The following DTNA variants were observed in gnomAD, a reference collection of about 807,000 sequenced individuals.
DTNA encodes dystrobrevin alpha, also known as dystrophin-related protein 3.
A neutral mutation model predicts 100.7 loss-of-function variants in DTNA; 43 were observed. The observed-to-expected ratio is 0.43, with a 90% confidence interval of 0.33 to 0.55. DTNA has a LOEUF of 0.55. DTNA is among the 20% of genes least tolerant of loss of function. The pLI is 0.04. For synonymous variants in DTNA, 349 were observed against 347.9 expected (o/e 1.00, Z -0.04); for missense variants, 798 against 953.9 (o/e 0.84, Z 2.15).
At position 34,753,366 on chromosome 18, in the gene DTNA, A is replaced by ATTTTTTTTTTTTTTTTTTTTTTTTTT. The variant is rs757853063; in HGVS notation, c.-1-2594_-1-2593insTTTTTTTTTTTTTTTTTTTTTTTTTT. On this transcript the variant is annotated intron_variant, in intron 1 of 22. Coordinates refer to ENST00000444659, the MANE Select transcript of DTNA (RefSeq NM_001386795.1). ...ATTTATTTATTTATTTATTTATTTTATTTTTTTTTTTTTTTTATTTTTTAT... is the reference window on the plus strand; with the variant it reads ...ATTTATTTATTTATTTATTTATTTTATTTTTTTTTTTTTTTTTTTTTTTTTTTTTTTTTTTTTTTTTTATTTTTTAT... Among the ~76,000 whole-genome samples the ATTTTTTTTTTTTTTTTTTTTTTTTTT allele has an allele frequency of 1.5e-5, 2 of 133,150 alleles. 1 individual carries two copies. Among genetic ancestry groups the ATTTTTTTTTTTTTTTTTTTTTTTTTT allele is most frequent in the African/African-American group, 6.4e-5 (2 of 31,268 alleles). The allele number at this position is 133,150 out of a possible 152,430, so 87.4% of individuals were successfully genotyped here. A position where few individuals can be genotyped will look rare whatever the true frequency, so the allele number is the denominator to read the frequency against.
chr18:34,710,249 G>A (rs575829802), upstream of DTNA: 2 of 152,194 alleles, frequency 1.3e-5, no homozygotes, highest in South Asian at 2.1e-4. Flanking sequence ...CCATGGTAAC[G>A]GACCACATGA....
At chr18:34,880,131 T>C (rs2096858282) in intron 20 of DTNA, among the ~76,000 whole-genome samples, 1 of 152,220 alleles carries the variant, frequency 6.6e-6, no homozygotes, top group Admixed American at 6.5e-5. Context: ...CCAGAATTGG[T>C]GTAAACAACA....
chr18:34,559,672 C>G (rs1260693780), intron 1 of DTNA, among the ~76,000 whole-genome samples: 2 of 152,128 alleles, frequency 1.3e-5, no homozygotes, highest in Non-Finnish European at 2.9e-5. Flanking sequence ...TCAACTGAAA[C>G]AGAAGTAAAG....
At chr18:34,814,102 T>C (rs2095545320) in intron 6 of DTNA, among the ~76,000 whole-genome samples, 1 of 152,320 alleles carries the variant, frequency 6.6e-6, no homozygotes, top group East Asian at 1.9e-4. Flanking sequence ...TTAACTCTGG[T>C]CTTCTAATTC....
chr18:34,596,993 C>T (rs1447276653), intron 1 of DTNA, among the ~76,000 whole-genome samples: 1 of 152,046 alleles, frequency 6.6e-6, no homozygotes, highest in South Asian at 2.1e-4. Context: ...CTAATGCTAT[C>T]CCTCCCCTAG....
intron 1 of DTNA, among the ~76,000 whole-genome samples, chr18:34,556,779 C>T (rs1422794113): frequency 1.3e-5 from 2 of 151,998 alleles, no homozygotes; most frequent in Non-Finnish European, 2.9e-5. Flanking sequence ...GGTAACCCAA[C>T]CTTTCTCTCT....
At chr18:34,804,014 A>G (rs2095295899) in intron 4 of DTNA, among the ~76,000 whole-genome samples, 1 of 152,242 alleles carries the variant, frequency 6.6e-6, no homozygotes, top group African/African-American at 2.4e-5. Flanking sequence ...ATCCAGTCAC[A>G]TTGTGGACAT....
chr18:34,849,626 C>T (rs1021403737), intron 14 of DTNA, among the ~76,000 whole-genome samples: 3 of 152,174 alleles, frequency 2.0e-5, no homozygotes, highest in Non-Finnish European at 2.9e-5. Flanking sequence ...CCAAATTTGT[C>T]CCCCAGAAAT....
intron 1 of DTNA, among the ~76,000 whole-genome samples, chr18:34,671,849 T>G (rs958753734): frequency 6.6e-6 from 1 of 152,186 alleles, no homozygotes; most frequent in African/African-American, 2.4e-5. Flanking sequence ...CTTAGAAGTG[T>G]GCAGTGGGCT....
At chr18:34,719,716 T>C (rs1423411142) in intron 1 of DTNA, among the ~76,000 whole-genome samples, 2 of 152,190 alleles carry the variant, frequency 1.3e-5, no homozygotes, top group Non-Finnish European at 2.9e-5. Context: ...TGCTCAGAAA[T>C]AGTAACAAGA....
intron 11 of DTNA, among the ~76,000 whole-genome samples, chr18:34,836,341 C>A (rs900820832): frequency 6.6e-6 from 1 of 152,140 alleles, no homozygotes; most frequent in African/African-American, 2.4e-5. Flanking sequence ...TCCTAAAACA[C>A]AATCTAATTT....
In DTNA at chr18:34,882,101, C is replaced by T. The variant is rs1456993704; in HGVS notation, c.2195C>T (p.Pro732Leu). The change falls in exon 21 of 23, where the codon CCT (proline) becomes CTT (leucine). Residue 732 changes from proline to leucine, a missense_variant. Physicochemically the swap from Pro to Leu is moderately conservative, Grantham distance 98 (BLOSUM62 -3). Coordinates refer to ENST00000444659, the MANE Select transcript of DTNA (RefSeq NM_001386795.1). ...VTEDADPYVQ[P>L]EDENYENDSV... Reference sequence around the variant, plus strand: ...GAGGATGCAGATCCCTATGTGCAGCCTGAAGATGAAAACTATGAAAATGAC... The same window carrying T: ...GAGGATGCAGATCCCTATGTGCAGCTTGAAGATGAAAACTATGAAAATGAC... 2 of 1,613,880 alleles carry T rather than the reference C, an allele frequency of 1.2e-6. No individual in the cohort carries two copies. Among genetic ancestry groups the T allele is most frequent in the African/African-American group, 2.7e-5 (2 of 74,900 alleles).
intron 1 of DTNA, among the ~76,000 whole-genome samples, chr18:34,727,679 C>T (rs2147194165): frequency 6.6e-6 from 1 of 152,226 alleles, no homozygotes; most frequent in South Asian, 2.1e-4. Flanking sequence ...ATTCTCCTGC[C>T]TCAGCCTCCG....
chr18:34,555,718 T>G (rs1381798617), intron 1 of DTNA, among the ~76,000 whole-genome samples: 1 of 152,244 alleles, frequency 6.6e-6, no homozygotes, highest in Non-Finnish European at 1.5e-5. Context: ...AGTTCTAGTT[T>G]GATTGCACTG....
chr18:34,642,090 G>A (rs1370112280), intron 1 of DTNA, among the ~76,000 whole-genome samples: 1 of 152,152 alleles, frequency 6.6e-6, no homozygotes, highest in Non-Finnish European at 1.5e-5. Flanking sequence ...TGGATATGAG[G>A]TACTGCTACA....
At chr18:34,571,937 C>A (rs1259388340) in intron 1 of DTNA, among the ~76,000 whole-genome samples, 2 of 152,170 alleles carry the variant, frequency 1.3e-5, no homozygotes, top group African/African-American at 4.8e-5. Context: ...ACACAGCGTT[C>A]ATTTTTCTTT....
intron 1 of DTNA, among the ~76,000 whole-genome samples, chr18:34,584,951 C>A (rs1243272039): frequency 6.6e-6 from 1 of 151,858 alleles, no homozygotes; most frequent in East Asian, 1.9e-4. Context: ...TAAAGAAATC[C>A]CTTGAAATTT....
chr18:34,682,997 T>C (rs1255583493), intron 1 of DTNA, among the ~76,000 whole-genome samples: 1 of 152,184 alleles, frequency 6.6e-6, no homozygotes, highest in Admixed American at 6.6e-5. Flanking sequence ...TCCCAAGTAT[T>C]ATTTTTATTT....
At chr18:34,824,572 TA>T (rs1289631036) in intron 9 of DTNA, among the ~76,000 whole-genome samples, 1 of 150,966 alleles carries the variant, frequency 6.6e-6, no homozygotes. Flanking sequence ...TAAAGTAAAA[TA>T]AAAAAAATGC....
Sources: gnomAD v4.1 joint callset for allele counts (sites outside exome capture counted in the v4.1 genomes callset) on GRCh38, gnomAD v4.1.1 for gene constraint, MANE v1.5 for transcripts, NCBI Gene and HGNC (gene_info 2026-07-23, HGNC 2026-07-21) for gene names.